STXBP5L: variants seen among roughly 807,000 people sequenced by gnomAD.
STXBP5L encodes the protein syntaxin-binding protein 5-like.
STXBP5L carries 65 observed loss-of-function variants against 144.5 expected under a neutral mutation model. That is an observed-to-expected ratio of 0.45 (90% CI 0.37 to 0.55). The LOEUF is 0.55. Ranked by LOEUF, STXBP5L falls within the 20% of genes least tolerant of loss-of-function variation. STXBP5L has a pLI of 0.00. For missense variants in STXBP5L, 1,298 were observed against 1,405.5 expected, an observed-to-expected ratio of 0.92 and a Z score of 1.22; for synonymous variants, 505 against 469.6, an observed-to-expected ratio of 1.08 and a Z score of -0.97.
At chr3:120,936,674 A>T (rs2107637664) in intron 2 of STXBP5L, among the ~76,000 whole-genome samples, 1 of 151,160 alleles carries the variant, frequency 6.6e-6, no homozygotes, top group East Asian at 2.0e-4. Flanking sequence ...CAGTGGCGTG[A>T]TCTCGGTTCA....
At chr3:121,324,348 T>C in intron 20 of STXBP5L, 1 of 539,754 alleles carries the variant, frequency 1.9e-6, no homozygotes, top group Non-Finnish European at 3.3e-6. Flanking sequence ...GTTGGAGCAG[T>C]ATTTATCTTT....
intron 4 of STXBP5L, 94 bp downstream of exon 4, chr3:121,041,875 C>A (rs1461660019): frequency 3.7e-6 from 3 of 805,630 alleles, no homozygotes; most frequent in East Asian, 5.2e-5. Context: ...ATTCTAAATG[C>A]TTAAATATAT....
intron 5 of STXBP5L, among the ~76,000 whole-genome samples, chr3:121,106,676 G>A (rs1464212273): frequency 6.6e-6 from 1 of 151,976 alleles, no homozygotes; most frequent in Non-Finnish European, 1.5e-5. Flanking sequence ...CATGTCTTTG[G>A]TATAATGAAT....
At position 120,960,773 on chromosome 3, in the gene STXBP5L, G is replaced by C. The variant is rs189386701; in HGVS notation, c.287+5736G>C. On this transcript the variant is annotated intron_variant, in intron 3 of 26. Coordinates refer to ENST00000471454, the MANE Select transcript of STXBP5L (RefSeq NM_001308330.2). Reference sequence around the variant, plus strand: ...TGGGGCCTGTTGTGGGGTGGGGGCAGGGGGGAGGGATAGCATTAGGAGATA... The same window carrying C: ...TGGGGCCTGTTGTGGGGTGGGGGCACGGGGGAGGGATAGCATTAGGAGATA... 5.3e-4 allele frequency among the ~76,000 whole-genome samples: 80 copies of C among 152,136 alleles called. 2 individuals are homozygous for C. The highest frequency in any genetic ancestry group is 1.9e-3 in the South Asian group (9 of 4,822).
At chr3:120,922,660 T>C (rs1234295222) in intron 2 of STXBP5L, among the ~76,000 whole-genome samples, 2 of 151,990 alleles carry the variant, frequency 1.3e-5, no homozygotes, top group Non-Finnish European at 1.5e-5. Flanking sequence ...TTGCTGAGGG[T>C]TTTTCTCATA....
chr3:121,091,240 C>T (rs1445753177), intron 5 of STXBP5L, among the ~76,000 whole-genome samples: 1 of 146,724 alleles, frequency 6.8e-6, no homozygotes, highest in Admixed American at 7.2e-5. Context: ...AATAAGCATA[C>T]ATGTGCATGT....
At chr3:121,210,917 CT>C (rs1272898802) in intron 10 of STXBP5L, among the ~76,000 whole-genome samples, 1 of 152,076 alleles carries the variant, frequency 6.6e-6, no homozygotes, top group Non-Finnish European at 1.5e-5. Context: ...AATACGGGAC[CT>C]TTTTTGGTTC....
At position 121,316,399 on chromosome 3, in the gene STXBP5L, C is replaced by G. The variant is rs141622750; in HGVS notation, c.2111-2076C>G. On this transcript the variant is annotated intron_variant, in intron 19 of 26. Coordinates refer to ENST00000471454, the MANE Select transcript of STXBP5L (RefSeq NM_001308330.2). The stretch of plus-strand genomic sequence containing the variant: ...CAAATGAGCTTAGCTCTTTAACCAC[C>G]AAATTTTGTATTTTAAAATTTTGAT... 3.1e-4 allele frequency among the ~76,000 whole-genome samples: 47 copies of G among 152,232 alleles called. 2 individuals carry two copies. In the East Asian group the frequency reaches 8.3e-3, roughly 27 times the overall value.
intron 5 of STXBP5L, among the ~76,000 whole-genome samples, chr3:121,066,326 T>C (rs888913209): frequency 3.3e-5 from 5 of 151,126 alleles, no homozygotes; most frequent in African/African-American, 1.2e-4. Context: ...TTTGTAAGAT[T>C]AAGAAAGTTT....
At chr3:121,339,211 G>A (rs1025911786) in intron 20 of STXBP5L, among the ~76,000 whole-genome samples, 1 of 152,024 alleles carries the variant, frequency 6.6e-6, no homozygotes, top group Non-Finnish European at 1.5e-5. Flanking sequence ...CATCAAAAAG[G>A]TAATTAACTA....
intron 5 of STXBP5L, among the ~76,000 whole-genome samples, chr3:121,094,157 T>C (rs1285313951): frequency 6.6e-6 from 1 of 152,206 alleles, no homozygotes; most frequent in African/African-American, 2.4e-5. Flanking sequence ...TAATTTCTGT[T>C]CTTTTACATT....
intron 3 of STXBP5L, among the ~76,000 whole-genome samples, chr3:120,998,431 G>A (rs1287491804): frequency 1.3e-5 from 2 of 151,860 alleles, no homozygotes; most frequent in African/African-American, 2.4e-5. Context: ...TGTGCAGAAC[G>A]TGCAGGTTTG....
intron 3 of STXBP5L, among the ~76,000 whole-genome samples, chr3:121,010,863 G>C (rs1455348421): frequency 6.6e-6 from 1 of 151,688 alleles, no homozygotes; most frequent in East Asian, 1.9e-4. Flanking sequence ...AGTAGGTTGA[G>C]AAGGAGATGG....
chr3:121,056,848 C>A (rs1461725327), intron 5 of STXBP5L, among the ~76,000 whole-genome samples: 2 of 151,282 alleles, frequency 1.3e-5, no homozygotes, highest in African/African-American at 4.9e-5. Context: ...AATAGAAAAC[C>A]ATATATTTTT....
Position 121,413,226 on chromosome 3 carries a change from C to T in STXBP5L, c.3017C>T (p.Thr1006Ile). ...LPLTDMRIAR[T>I]FCFTNEGQAL... ...CTGACAGACATGAGGATAGCACGAA[C>T]ATTTTGTTTTACCAATGAAGGACAG... Residue 1006 changes from threonine to isoleucine, a missense_variant, in exon 24 of 27, where the codon ACA (threonine) becomes ATA (isoleucine). Physicochemically the swap from Thr to Ile is moderately conservative, Grantham distance 89 (BLOSUM62 -1). Coordinates refer to ENST00000471454, the MANE Select transcript of STXBP5L (RefSeq NM_001308330.2). The T allele has an allele frequency of 1.2e-6, 2 of 1,610,692 alleles. No homozygotes were observed. Among genetic ancestry groups the T allele is most frequent in the Non-Finnish European group, 1.7e-6 (2 of 1,179,012 alleles).
chr3:121,384,614 GA>G (rs2046386682), intron 22 of STXBP5L, among the ~76,000 whole-genome samples: 2 of 151,992 alleles, frequency 1.3e-5, no homozygotes, highest in Non-Finnish European at 2.9e-5. Context: ...AATGAGGATG[GA>G]AAAATAGGCA....
intron 18 of STXBP5L, among the ~76,000 whole-genome samples, chr3:121,266,873 A>T (rs548975655): frequency 1.3e-5 from 2 of 152,290 alleles, no homozygotes; most frequent in South Asian, 4.1e-4. Context: ...GTTGCTACAA[A>T]GAGAATAAAA....
intron 5 of STXBP5L, among the ~76,000 whole-genome samples, chr3:121,066,920 TTTC>T (rs1475368508): frequency 6.6e-6 from 1 of 152,148 alleles, no homozygotes; most frequent in Non-Finnish European, 1.5e-5. Flanking sequence ...TATTCTGTTT[TTTC>T]TTGAGTCAGT....
At chr3:121,036,170 T>G (rs1946739341) in intron 3 of STXBP5L, among the ~76,000 whole-genome samples, 1 of 152,012 alleles carries the variant, frequency 6.6e-6, no homozygotes, top group African/African-American at 2.4e-5. Context: ...CCATCTCTAC[T>G]AAAACTGCAA....
Sources: allele counts gnomAD v4.1 joint callset (sites outside exome capture counted in the v4.1 genomes callset), GRCh38; gene constraint gnomAD v4.1.1; transcripts MANE v1.5; gene names NCBI Gene and HGNC (gene_info 2026-07-23, HGNC 2026-07-21).